Variants in FMN2 observed in about 807,000 individuals in gnomAD.
FMN2 encodes formin-2.
FMN2 carries 51 observed loss-of-function variants against 142.3 expected under a neutral mutation model. That is an observed-to-expected ratio of 0.36 (90% CI 0.29 to 0.45). FMN2 has a LOEUF of 0.45. Among genes scored for constraint, FMN2 ranks in the 20% least tolerant of loss-of-function variants. The pLI, the probability that FMN2 is intolerant of heterozygous loss-of-function variation, is 1.00. For missense variants in FMN2, 1,936 were observed against 2,122.8 expected (o/e 0.91, Z 1.73); for synonymous variants, 882 against 869.8 (o/e 1.01, Z -0.25).
chr1:240,138,590 C>T (rs1004236868), intron 2 of FMN2, among the ~76,000 whole-genome samples: 3 of 151,640 alleles, frequency 2.0e-5, no homozygotes, highest in African/African-American at 7.3e-5. Flanking sequence ...GCCTGTAGTC[C>T]CAGCTACTTG....
intron 15 of FMN2, among the ~76,000 whole-genome samples, chr1:240,423,249 A>G (rs1050404574): frequency 6.6e-6 from 1 of 152,138 alleles, no homozygotes; most frequent in Non-Finnish European, 1.5e-5. Flanking sequence ...GTAAGTTCCT[A>G]TGGAGGGTGG....
At chr1:240,366,727 T>C (rs1196784735) in intron 14 of FMN2, among the ~76,000 whole-genome samples, 3 of 152,024 alleles carry the variant, frequency 2.0e-5, no homozygotes, top group Non-Finnish European at 4.4e-5. Flanking sequence ...AATTTTGCAT[T>C]TTTAGTAGAG....
At chr1:240,192,126 T>G (rs1432791049) in intron 4 of FMN2, among the ~76,000 whole-genome samples, 1 of 152,228 alleles carries the variant, frequency 6.6e-6, no homozygotes, top group Non-Finnish European at 1.5e-5. Flanking sequence ...CAAATTTATT[T>G]GAAGAAGTAA....
intron 16 of FMN2, among the ~76,000 whole-genome samples, chr1:240,442,929 A>G (rs1034778347): frequency 1.3e-5 from 2 of 152,234 alleles, no homozygotes; most frequent in African/African-American, 2.4e-5. Context: ...TCTGTAAAAG[A>G]GAAATGATAA....
At chr1:240,400,512 A>G (rs571903739) in intron 15 of FMN2, among the ~76,000 whole-genome samples, 1 of 152,348 alleles carries the variant, frequency 6.6e-6, no homozygotes, top group South Asian at 2.1e-4. Context: ...GTAAGCAGGC[A>G]GAAACATTTC....
chr1:240,188,575 C>T (rs78341557), intron 4 of FMN2, among the ~76,000 whole-genome samples: 3,900 of 152,198 alleles, frequency 0.026, 171 homozygotes, highest in African/African-American at 0.089. Flanking sequence ...GAGAAGTCTG[C>T]GAGATGTGCC....
chr1:240,443,857 G>A (rs1255995966), intron 16 of FMN2, among the ~76,000 whole-genome samples: 1 of 152,136 alleles, frequency 6.6e-6, no homozygotes, highest in Non-Finnish European at 1.5e-5. Flanking sequence ...ACAGAGCACA[G>A]TTGTAGTGGG....
At chr1:240,239,849 A>G (rs1667831160) in intron 6 of FMN2, among the ~76,000 whole-genome samples, 2 of 152,202 alleles carry the variant, frequency 1.3e-5, no homozygotes, top group African/African-American at 2.4e-5. Context: ...TGTTTTCTGA[A>G]TATTTAACAT....
chr1:240,145,312 G>C, intron 2 of FMN2: 1 of 1,236,274 alleles, frequency 8.1e-7, no homozygotes, highest in Non-Finnish European at 1.1e-6. Flanking sequence ...CCATGCCGCT[G>C]AGGGCCGCCG....
intron 8 of FMN2, among the ~76,000 whole-genome samples, chr1:240,307,541 G>A (rs747949854): frequency 3.9e-5 from 6 of 152,320 alleles, no homozygotes; most frequent in Non-Finnish European, 8.8e-5. Context: ...CTTTGTCAAA[G>A]ATGAGTTGGT....
chr1:240,348,613 A>C (rs1205829480), intron 13 of FMN2, among the ~76,000 whole-genome samples: 6 of 151,310 alleles, frequency 4.0e-5, no homozygotes, highest in Non-Finnish European at 8.8e-5. Context: ...CTTAGGTTGG[A>C]GCCCTGTCAG....
At chr1:240,144,055 C>T in intron 2 of FMN2, 1 of 1,102,474 alleles carries the variant, frequency 9.1e-7, no homozygotes, top group Non-Finnish European at 1.4e-6. Flanking sequence ...GAATTCCTGA[C>T]TTAATGTAGT....
At chr1:240,245,988 G>C (rs922054909) in intron 6 of FMN2, among the ~76,000 whole-genome samples, 1 of 151,932 alleles carries the variant, frequency 6.6e-6, no homozygotes, top group African/African-American at 2.4e-5. Flanking sequence ...AGACCATCCT[G>C]GCTAACATGG....
At chr1:240,245,916 T>C (rs1036849548) in intron 6 of FMN2, among the ~76,000 whole-genome samples, 2 of 149,212 alleles carry the variant, frequency 1.3e-5, no homozygotes, top group Admixed American at 1.3e-4. Flanking sequence ...CACAGTGGCT[T>C]ACGCCTGTAA....
At chr1:240,212,863 C>A (rs1666746026) in intron 6 of FMN2, among the ~76,000 whole-genome samples, 1 of 152,122 alleles carries the variant, frequency 6.6e-6, no homozygotes. Context: ...GGCATGGAGC[C>A]TCTCTCGTCC....
At chr1:240,176,049 A>G (rs1572021718) in intron 2 of FMN2, among the ~76,000 whole-genome samples, 1 of 152,204 alleles carries the variant, frequency 6.6e-6, no homozygotes, top group African/African-American at 2.4e-5. Flanking sequence ...GTTTTAAATT[A>G]TGATATAGTT....
At chr1:240,413,294 G>A (rs1218034933) in intron 15 of FMN2, among the ~76,000 whole-genome samples, 2 of 151,730 alleles carry the variant, frequency 1.3e-5, no homozygotes, top group African/African-American at 2.4e-5. Context: ...CCATGGGGGT[G>A]TCATTGCAAG....
intron 2 of FMN2, chr1:240,170,057 C>A (rs1370716518): frequency 3.4e-6 from 2 of 580,076 alleles, no homozygotes; most frequent in Non-Finnish European, 6.1e-6. Flanking sequence ...TGTCTCTACT[C>A]ACAGATAAGC....
intron 2 of FMN2, among the ~76,000 whole-genome samples, chr1:240,164,087 C>G (rs911416380): frequency 4.6e-5 from 7 of 152,134 alleles, no homozygotes; most frequent in Admixed American, 3.9e-4. Context: ...TTTGTAAAGG[C>G]AAGATTTTAC....
Sources: gnomAD v4.1 joint callset for allele counts (sites outside exome capture counted in the v4.1 genomes callset) on GRCh38, gnomAD v4.1.1 for gene constraint, MANE v1.5 for transcripts, NCBI Gene and HGNC (gene_info 2026-07-23, HGNC 2026-07-21) for gene names.